The following MGAM variants were observed in gnomAD, a reference collection of about 807,000 sequenced individuals.
MGAM encodes the protein maltase-glucoamylase, also known as alpha-1,4-glucosidase.
MGAM carries 253 observed loss-of-function variants against 358.8 expected under a neutral mutation model. That is an observed-to-expected ratio of 0.71 (90% CI 0.64 to 0.78). MGAM has a LOEUF of 0.78. MGAM is among the 30% of genes least tolerant of loss of function. MGAM has a pLI of 0.00. For synonymous variants in MGAM, 1,105 were observed against 1,227.1 expected (o/e 0.90, Z 2.08); for missense variants, 3,080 against 3,432.6 (o/e 0.90, Z 2.57).
chr7:142,052,233 C>A, intron 24 of MGAM, 61 bp from the exon 25 acceptor site: 1 of 1,394,714 alleles, frequency 7.2e-7, no homozygotes, highest in Non-Finnish European at 9.6e-7. Flanking sequence ...AAAAAAACCT[C>A]AGGTCTTGCA....
chr7:142,103,439 G>A lies in MGAM; in HGVS notation c.8184G>A (p.Gln2728=), dbSNP rs1028696645. ...CCTTCAACAATGACCCCACGACACA[G>A]GTTTGTGACCAGCAAAAAGTGCGAA... ...TPSFNNDPTT[Q]VLSIDVTDRN... Residue 2728 remains glutamine, a splice_region_variant and synonymous_variant, in exon 70 of 71, where the codon CAG becomes CAA. Coordinates refer to ENST00000475668, the MANE Select transcript of MGAM (RefSeq NM_001365693.1). The A allele has an allele frequency of 1.9e-6, 3 of 1,595,128 alleles. No individual in the cohort carries two copies. The highest frequency in any genetic ancestry group is 1.7e-6 in the Non-Finnish European group (2 of 1,172,156).
At chr7:142,001,433 C>T (rs1263313073) in intron 1 of MGAM, among the ~76,000 whole-genome samples, 1 of 152,100 alleles carries the variant, frequency 6.6e-6, no homozygotes, top group African/African-American at 2.4e-5. Context: ...AATGAGACCG[C>T]AAGGAAATAT....
intron 2 of MGAM, among the ~76,000 whole-genome samples, chr7:141,990,153 G>A (rs1194098473): frequency 6.6e-6 from 1 of 152,162 alleles, no homozygotes; most frequent in Non-Finnish European, 1.5e-5. Flanking sequence ...ATAAAACAGA[G>A]CAATATATTC....
At chr7:142,063,024 C>A (rs936077219) in intron 35 of MGAM, among the ~76,000 whole-genome samples, 1 of 152,150 alleles carries the variant, frequency 6.6e-6, no homozygotes, top group African/African-American at 2.4e-5. Flanking sequence ...CATGGAGAAA[C>A]TCCGTCTCTA....
upstream of MGAM, among the ~76,000 whole-genome samples, chr7:141,992,175 C>G (rs1554447483): frequency 6.6e-6 from 1 of 152,156 alleles, no homozygotes; most frequent in Non-Finnish European, 1.5e-5. Flanking sequence ...TGAGTATTTA[C>G]TAAGTAACAT....
intron 20 of MGAM, 181 bp from the exon 21 acceptor site, chr7:142,040,541 C>G (rs979183404): frequency 1.3e-6 from 1 of 776,072 alleles, no homozygotes; most frequent in African/African-American, 1.8e-5. Flanking sequence ...TTCACAAACC[C>G]CCAACTGGTA....
chr7:141,990,997 G>A (rs1554447179), upstream of MGAM, among the ~76,000 whole-genome samples: 1 of 152,212 alleles, frequency 6.6e-6, no homozygotes, highest in Non-Finnish European at 1.5e-5. Flanking sequence ...AGGTCATGGA[G>A]GAATCACGCT....
rs1223390026 is a variant in MGAM at position 142,041,900 on chromosome 7, ATATATT to A, written c.2498+1055_2498+1060del. ...TATATATACGTATAATATATAATAT[ATATATT>A]ATATATATACGTATAATATATAATA... On this transcript the variant is annotated intron_variant, in intron 21 of 70. Transcript: ENST00000475668. Among the ~76,000 whole-genome samples, 12 of 41,020 alleles carry A rather than the reference ATATATT, an allele frequency of 2.9e-4. 1 individual carries two copies. Among genetic ancestry groups the A allele is most frequent in the African/African-American group, 2.3e-3 (11 of 4,724 alleles). 26.9% of individuals were successfully genotyped at this position (41,020 alleles called of 152,430 possible).
intron 65 of MGAM, 55 bp downstream of exon 65, chr7:142,096,470 A>T: frequency 6.3e-7 from 1 of 1,575,204 alleles, no homozygotes; most frequent in Non-Finnish European, 8.7e-7. Context: ...GCTTGGGGAA[A>T]AGGACGAGGA....
chr7:142,103,385 C>T lies in MGAM; in HGVS notation c.8130C>T (p.Ile2710=), dbSNP rs780811386. The T allele has an allele frequency of 1.6e-5, 26 of 1,613,056 alleles. No homozygotes were observed. The highest frequency in any genetic ancestry group is 2.2e-5 in the Non-Finnish European group (26 of 1,179,520). Residue 2710 remains isoleucine, a synonymous_variant, in exon 70 of 71, where the codon ATC becomes ATT. Coordinates refer to ENST00000475668, the MANE Select transcript of MGAM (RefSeq NM_001365693.1). ...GTGTCCCCGTTACCAGTGTCAGCAT[C>T]TCTGTGAGTGGCATGGTCATAACAC... ...VGSVPVTSVS[I]SVSGMVITPS... is the part of the protein sequence containing the mutation.
chr7:142,037,532 T>A (rs1808101251), intron 18 of MGAM, among the ~76,000 whole-genome samples: 1 of 152,156 alleles, frequency 6.6e-6, no homozygotes, highest in Admixed American at 6.6e-5. Context: ...TACAGTCAAC[T>A]CCCTTATGTG....
At chr7:142,076,462 G>GTGTATA in intron 46 of MGAM, 197 bp from the exon 47 acceptor site, 1 of 855,662 alleles carries the variant, frequency 1.2e-6, no homozygotes, top group South Asian at 1.4e-5. Flanking sequence ...TTAATTATCT[G>GTGTATA]TGTGTTTTTA....
intron 18 of MGAM, among the ~76,000 whole-genome samples, chr7:142,037,946 T>C (rs189402449): frequency 1.7e-3 from 258 of 152,292 alleles, no homozygotes; most frequent in African/African-American, 5.9e-3. Flanking sequence ...GATTAAGTTA[T>C]TATTGACTAT....
At position 142,086,049 on chromosome 7, in the gene MGAM, A is replaced by G. The variant is rs1428767813; in HGVS notation, c.6636+88A>G. 3 of 1,503,246 alleles carry G rather than the reference A, an allele frequency of 2.0e-6. 1 individual carries two copies. The highest frequency in any genetic ancestry group is 2.7e-6 in the Non-Finnish European group (3 of 1,096,768). The allele number at this position is 1,503,246 out of a possible 1,614,324, so 93.1% of individuals were successfully genotyped here. A position where few individuals can be genotyped will look rare whatever the true frequency, so the allele number is the denominator to read the frequency against. On this transcript the variant is annotated intron_variant, in intron 55 of 70. Transcript: ENST00000475668. ...GTGTTATACTTTATTTCCATGTTGC[A>G]AGTAGATAAATTGAAGTGTAGTAAG...
intron 34 of MGAM, among the ~76,000 whole-genome samples, chr7:142,060,973 T>C (rs1277861370): frequency 2.0e-5 from 3 of 151,916 alleles, no homozygotes; most frequent in Non-Finnish European, 4.4e-5. Flanking sequence ...GTTTGTTGCT[T>C]GTAATGGATC....
Position 142,046,275 on chromosome 7 carries a change from A to G in MGAM, c.2499-1510A>G, listed in dbSNP as rs114672291. On this transcript the variant is annotated intron_variant, in intron 21 of 70. Coordinates refer to ENST00000475668, the MANE Select transcript of MGAM (RefSeq NM_001365693.1). ...GTGCTTGAAAATTTTATTATCTGAAATGTTTAGGGGAGTCTAAGTCTATTG... is the reference window on the plus strand; with the variant it reads ...GTGCTTGAAAATTTTATTATCTGAAGTGTTTAGGGGAGTCTAAGTCTATTG... 8.2e-3 allele frequency among the ~76,000 whole-genome samples: 1,240 copies of G among 151,344 alleles called. 11 individuals carry two copies. The highest frequency in any genetic ancestry group is 0.029 in the African/African-American group (1,199 of 41,278).
chr7:142,084,750 T>C lies in MGAM; in HGVS notation c.6507+106T>C. Reference sequence around the variant, plus strand: ...GAGATTCTATAAAGACATAATGTTCTTTTTCAGACAATATCACAGTTAGCC... The same window carrying C: ...GAGATTCTATAAAGACATAATGTTCCTTTTCAGACAATATCACAGTTAGCC... On this transcript the variant is annotated intron_variant, in intron 54 of 70. Coordinates refer to ENST00000475668, the MANE Select transcript of MGAM (RefSeq NM_001365693.1). 1.4e-6 allele frequency: 2 copies of C among 1,394,158 alleles called. 1 individual carries two copies. Among genetic ancestry groups the C allele is most frequent in the Non-Finnish European group, 2.0e-6 (2 of 1,020,338 alleles). 86.4% of individuals were successfully genotyped at this position (1,394,158 alleles called of 1,614,324 possible).
chr7:142,027,881 T>A (rs879967950), intron 10 of MGAM, 146 bp downstream of exon 10: 61 of 503,056 alleles, frequency 1.2e-4, no homozygotes, highest in African/African-American at 1.6e-4. Flanking sequence ...TACTAGACAT[T>A]TTTTTTTTTG....
At chr7:142,076,297 G>T in intron 46 of MGAM, 45 bp downstream of exon 46, 1 of 1,416,898 alleles carries the variant, frequency 7.1e-7, no homozygotes, top group South Asian at 1.2e-5. Context: ...GCTTTGGACT[G>T]ACCATTAGCA....
Sources: gnomAD v4.1 joint callset for allele counts (sites outside exome capture counted in the v4.1 genomes callset) on GRCh38, gnomAD v4.1.1 for gene constraint, MANE v1.5 for transcripts, NCBI Gene and HGNC (gene_info 2026-07-23, HGNC 2026-07-21) for gene names.